The following RAB33A variants were observed in gnomAD, a reference collection of about 807,000 sequenced individuals.
The protein encoded by RAB33A is RAB33A, member RAS oncogene family.
RAB33A carries 6 observed loss-of-function variants against 12.0 expected under a neutral mutation model. The ratio of observed to expected loss-of-function variants is 0.50; its 90% CI spans 0.27 to 0.99. The LOEUF (loss-of-function observed/expected upper bound fraction) is 0.99. Ranked by LOEUF, RAB33A falls within the 50% of genes least tolerant of loss-of-function variation. The pLI, the probability that RAB33A is intolerant of heterozygous loss-of-function variation, is 0.11. For missense variants in RAB33A, 109 were observed against 192.0 expected, an observed-to-expected ratio of 0.57 and a Z score of 2.55; for synonymous variants, 70 against 82.4, an observed-to-expected ratio of 0.85 and a Z score of 0.81.
intron 1 of RAB33A, among the ~76,000 whole-genome samples, chrX:130,173,509 G>A (rs376070746): frequency 8.9e-6 from 1 of 111,752 alleles, no homozygotes; most frequent in Non-Finnish European, 1.9e-5. Context: ...GAAACTGTGC[G>A]AGACTCCTGA....
chrX:130,162,236 A>T, the RAB33A span, among the ~76,000 whole-genome samples: 2 of 112,070 alleles, frequency 1.8e-5, no homozygotes, highest in African/African-American at 6.5e-5. Flanking sequence ...GCTTGATACA[A>T]ATCACAAGAG....
At chrX:130,156,315 A>G in the RAB33A span, 3 of 665,274 alleles carry the variant, frequency 4.5e-6, no homozygotes, top group South Asian at 7.3e-5. Context: ...GATATTAGGC[A>G]GCAGGCACTT....
At chrX:130,151,642 T>C in the RAB33A span, among the ~76,000 whole-genome samples, 1 of 112,418 alleles carries the variant, frequency 8.9e-6, no homozygotes, top group Non-Finnish European at 1.9e-5. Context: ...ATGTATCGAA[T>C]AAATGAATTC....
chrX:130,181,487 GATAT>G (rs990942494), intron 1 of RAB33A, among the ~76,000 whole-genome samples: 2 of 112,021 alleles, frequency 1.8e-5, no homozygotes, highest in Admixed American at 1.9e-4. Flanking sequence ...CAAGACGTTG[GATAT>G]ATAAAGGGAA....
the RAB33A span, among the ~76,000 whole-genome samples, chrX:130,118,404 C>T: frequency 1.8e-5 from 2 of 112,609 alleles, no homozygotes; most frequent in Non-Finnish European, 1.9e-5. Flanking sequence ...CAATTCTGCT[C>T]TTTGGGATTG....
the RAB33A span, among the ~76,000 whole-genome samples, chrX:130,166,805 A>G: frequency 8.9e-6 from 1 of 111,998 alleles, no homozygotes; most frequent in Admixed American, 9.5e-5. Context: ...ACCTAACCCC[A>G]TGTCAGTCGA....
chrX:130,130,274 G>T, the RAB33A span: 1 of 894,472 alleles, frequency 1.1e-6, no homozygotes, highest in Non-Finnish European at 1.6e-6. Flanking sequence ...CCTGCTTCAA[G>T]CTACTTCTAG....
At chrX:130,165,682 CTCCTTCCCTT>C in the RAB33A span, 1 of 1,143,122 alleles carries the variant, frequency 8.7e-7, no homozygotes, top group Non-Finnish European at 1.2e-6. Flanking sequence ...TCGGGACCTC[CTCCTTCCCTT>C]TCCTCTCACG....
intron 1 of RAB33A, among the ~76,000 whole-genome samples, 174 bp downstream of exon 1, chrX:130,172,494 G>C (rs918722598): frequency 8.9e-6 from 1 of 111,942 alleles, no homozygotes; most frequent in African/African-American, 3.2e-5. Context: ...GCGGGGCCCC[G>C]TCCCCACTTC....
the RAB33A span, among the ~76,000 whole-genome samples, chrX:130,134,220 G>A: frequency 9.2e-6 from 1 of 108,216 alleles, no homozygotes; most frequent in East Asian, 2.9e-4. Flanking sequence ...CTGGGAAACA[G>A]AGCGAGACAC....
the RAB33A span, chrX:130,149,622 G>C: frequency 1.2e-6 from 1 of 851,838 alleles, no homozygotes; most frequent in Admixed American, 2.2e-5. Context: ...AGCTCATACT[G>C]TAAGTAATAT....
At chrX:130,142,746 A>G in the RAB33A span, among the ~76,000 whole-genome samples, 5 of 111,311 alleles carry the variant, frequency 4.5e-5, no homozygotes, top group East Asian at 1.4e-3. Flanking sequence ...CCTGGGTTCA[A>G]GCGATTCTCG....
chrX:130,155,901 C>T, the RAB33A span, among the ~76,000 whole-genome samples: 1 of 112,164 alleles, frequency 8.9e-6, no homozygotes, highest in African/African-American at 3.2e-5. Flanking sequence ...AGCAATTAAA[C>T]ACCATATTTC....
At chrX:130,142,711 T>C in the RAB33A span, among the ~76,000 whole-genome samples, 2 of 111,815 alleles carry the variant, frequency 1.8e-5, no homozygotes, top group South Asian at 7.4e-4. Context: ...ACTGATGCAA[T>C]CTTGGCTCAC....
upstream of RAB33A, among the ~76,000 whole-genome samples, chrX:130,169,801 C>G (rs890253749): frequency 2.7e-5 from 3 of 112,128 alleles, no homozygotes; most frequent in African/African-American, 9.7e-5. Context: ...AGGAAGTTAG[C>G]ATTAATTCTA....
At chrX:130,137,641 G>A in the RAB33A span, 1 of 1,117,408 alleles carries the variant, frequency 8.9e-7, no homozygotes, top group Non-Finnish European at 1.2e-6. Flanking sequence ...TTTACAGGAA[G>A]CAGCAGTTCA....
the RAB33A span, among the ~76,000 whole-genome samples, chrX:130,146,793 C>T: frequency 0.48 from 53,363 of 110,246 alleles, 9,959 homozygotes; most frequent in African/African-American, 0.67. Context: ...TTCTAAATGC[C>T]TGCTAGGCTG....
chrX:130,124,979 C>T, the RAB33A span, among the ~76,000 whole-genome samples: 7 of 111,928 alleles, frequency 6.3e-5, no homozygotes, highest in Non-Finnish European at 1.3e-4. Flanking sequence ...GGGGGTTGTT[C>T]GGTCATTTTC....
the RAB33A span, chrX:130,165,407 A>C: frequency 3.7e-6 from 2 of 537,847 alleles, no homozygotes; most frequent in Non-Finnish European, 6.6e-6. Flanking sequence ...TGCAAGACTC[A>C]GGGTTCGGAG....
Sources: allele counts gnomAD v4.1 joint callset (sites outside exome capture counted in the v4.1 genomes callset), GRCh38; gene constraint gnomAD v4.1.1; transcripts MANE v1.5; gene names NCBI Gene and HGNC (gene_info 2026-07-23, HGNC 2026-07-21).